The following PTPN13 variants were observed in gnomAD, a reference collection of about 807,000 sequenced individuals.
PTPN13 encodes tyrosine-protein phosphatase non-receptor type 13.
A neutral mutation model predicts 284.0 loss-of-function variants in PTPN13; 191 were observed. The ratio of observed to expected loss-of-function variants is 0.67; its 90% CI spans 0.60 to 0.76. The LOEUF (loss-of-function observed/expected upper bound fraction) is 0.76, where lower values mean the gene tolerates loss of function less well. Ranked by LOEUF, PTPN13 falls within the 30% of genes least tolerant of loss-of-function variation. PTPN13 has a pLI of 0.00. For missense variants in PTPN13, 2,797 were observed against 2,939.9 expected (o/e 0.95, Z 1.12); for synonymous variants, 986 against 1,022.3 (o/e 0.96, Z 0.68).
chr4:86,650,042 A>G (rs563640582), intron 2 of PTPN13, among the ~76,000 whole-genome samples: 12 of 152,016 alleles, frequency 7.9e-5, no homozygotes, highest in Admixed American at 2.0e-4. Context: ...CTGGAGTCCA[A>G]TGGCATGATC....
chr4:86,625,318 C>T (rs966744421), intron 1 of PTPN13, among the ~76,000 whole-genome samples: 2 of 152,056 alleles, frequency 1.3e-5, no homozygotes, highest in African/African-American at 4.8e-5. Flanking sequence ...GTTATTTCCC[C>T]TACCTGGAAG....
chr4:86,713,535 GA>G (rs1015926994), intron 7 of PTPN13, among the ~76,000 whole-genome samples: 5 of 146,260 alleles, frequency 3.4e-5, no homozygotes, highest in South Asian at 2.1e-4. Flanking sequence ...CAATCATTTA[GA>G]AAAAAAAAAG....
chr4:86,649,819 C>T lies in PTPN13; in HGVS notation c.115+14448C>T, dbSNP rs146508260. ...GAATCTGTAGATTGCTTTAGACATG[C>T]GTCATGTCTAAACCTGCATCATATC... On this transcript the variant is annotated intron_variant, in intron 2 of 47. Coordinates refer to ENST00000411767, the MANE Select transcript of PTPN13 (RefSeq NM_080683.3). Among the ~76,000 whole-genome samples the T allele has an allele frequency of 1.2e-3, 186 of 152,194 alleles. 2 individuals are homozygous for T. The highest frequency in any genetic ancestry group is 4.1e-3 in the African/African-American group (171 of 41,536).
chr4:86,750,598 G>A lies in PTPN13; in HGVS notation c.2779G>A (p.Val927Ile). Residue 927 changes from valine to isoleucine, a missense_variant, in exon 18 of 48, where the codon GTT (valine) becomes ATT (isoleucine). Physicochemically the swap from Val to Ile is conservative, Grantham distance 29. Coordinates refer to ENST00000411767, the MANE Select transcript of PTPN13 (RefSeq NM_080683.3). ...CAAACTTGCTGTTCGACCTTTATCA[G>A]TTCAAGCTGAGATTCTGAAGAGGCT... ...LNKLAVRPLSVQAEILKRLSC... is the reference protein window; with the variant it reads ...LNKLAVRPLSIQAEILKRLSC... The A allele has an allele frequency of 6.2e-7, 1 of 1,613,940 alleles. No individual in the cohort carries two copies. The highest frequency in any genetic ancestry group is 8.5e-7 in the Non-Finnish European group (1 of 1,179,886).
intron 5 of PTPN13, among the ~76,000 whole-genome samples, chr4:86,690,467 CAAG>C: frequency 6.6e-6 from 1 of 152,148 alleles, no homozygotes; most frequent in African/African-American, 2.4e-5. Context: ...TACTAACCTT[CAAG>C]AAGAATAGGC....
chr4:86,669,208 G>A (rs1195447264), intron 2 of PTPN13, among the ~76,000 whole-genome samples: 2 of 144,736 alleles, frequency 1.4e-5, no homozygotes, highest in Non-Finnish European at 3.0e-5. Context: ...TTTCTATCTT[G>A]TATTTATGTA....
intron 2 of PTPN13, among the ~76,000 whole-genome samples, chr4:86,656,001 G>A (rs778826325): frequency 1.4e-4 from 21 of 152,022 alleles, no homozygotes; most frequent in Non-Finnish European, 2.2e-4. Flanking sequence ...TTGATCTTCA[G>A]TCACTGATAC....
chr4:86,708,510 G>A (rs1426471148), intron 7 of PTPN13, among the ~76,000 whole-genome samples: 3 of 152,012 alleles, frequency 2.0e-5, no homozygotes, highest in Non-Finnish European at 4.4e-5. Flanking sequence ...GAAATAATAT[G>A]TTCCTTTATT....
At chr4:86,744,398 A>G (rs1736499245) in intron 16 of PTPN13, among the ~76,000 whole-genome samples, 1 of 152,182 alleles carries the variant, frequency 6.6e-6, no homozygotes, top group Non-Finnish European at 1.5e-5. Context: ...TAAATTCAAA[A>G]TATCAATAAT....
chr4:86,698,787 A>G (rs767488901), intron 6 of PTPN13, among the ~76,000 whole-genome samples: 64 of 152,204 alleles, frequency 4.2e-4, no homozygotes, highest in Non-Finnish European at 7.5e-4. Flanking sequence ...TTGGAGGCTG[A>G]TTAAAGTGGG....
chr4:86,769,856 T>C lies in PTPN13; in HGVS notation c.4577T>C (p.Ile1526Thr), dbSNP rs1354374229. The C allele has an allele frequency of 1.2e-5, 19 of 1,613,880 alleles. No individual in the cohort carries two copies. The highest frequency in any genetic ancestry group is 1.6e-5 in the Non-Finnish European group (19 of 1,179,836). ...GAAGATAATCTTATACCGGAGCAAA[T>C]TAATGCCAGCATAGTAAGGGTTAAA... Reference protein sequence around the residue: ...SREDNLIPEQINASIVRVKKL... With the variant: ...SREDNLIPEQTNASIVRVKKL... The change falls in exon 29 of 48, where the codon ATT (isoleucine) becomes ACT (threonine). Residue 1526 changes from isoleucine (I) to threonine (T), a missense_variant. Physicochemically the swap from Ile to Thr is moderately conservative, Grantham distance 89 (BLOSUM62 -1). Transcript: ENST00000411767.
chr4:86,632,408 T>C (rs901846845), intron 1 of PTPN13, among the ~76,000 whole-genome samples: 3 of 152,160 alleles, frequency 2.0e-5, no homozygotes, highest in Non-Finnish European at 4.4e-5. Flanking sequence ...ACTCCTGTTG[T>C]GAAATTGCTT....
intron 16 of PTPN13, 46 bp from the exon 17 acceptor site, chr4:86,744,918 AAT>A: frequency 7.4e-7 from 1 of 1,347,446 alleles, no homozygotes; most frequent in Non-Finnish European, 1.0e-6. Flanking sequence ...AAATATAAAT[AAT>A]ATCTCTACTT....
At chr4:86,622,348 TAA>T (rs1307380475) in intron 1 of PTPN13, among the ~76,000 whole-genome samples, 1 of 152,208 alleles carries the variant, frequency 6.6e-6, no homozygotes, top group Non-Finnish European at 1.5e-5. Context: ...TTGAGAGAGA[TAA>T]TTACAGAATA....
chr4:86,745,143 A>C lies in PTPN13; in HGVS notation c.2650+15A>C. ...CCAAGATATTGGTAAGGAGAAGCAGACTATTTCAGATGACTCCTGGGAATA... is the reference window on the plus strand; with the variant it reads ...CCAAGATATTGGTAAGGAGAAGCAGCCTATTTCAGATGACTCCTGGGAATA... On this transcript the variant is annotated intron_variant, in intron 17 of 47. Coordinates refer to ENST00000411767, the MANE Select transcript of PTPN13 (RefSeq NM_080683.3). 6.3e-7 allele frequency: 1 copy of C among 1,594,960 alleles called. No homozygotes were observed. Among genetic ancestry groups the C allele is most frequent in the South Asian group, 1.1e-5 (1 of 88,118 alleles).
At chr4:86,805,733 A>G (rs899364027) in intron 44 of PTPN13, among the ~76,000 whole-genome samples, 1 of 152,316 alleles carries the variant, frequency 6.6e-6, no homozygotes, top group African/African-American at 2.4e-5. Flanking sequence ...CACAACCACC[A>G]TCAATTTATT....
chr4:86,780,494 T>C (rs1175502212), intron 36 of PTPN13, 22 bp downstream of exon 36: 3 of 1,463,152 alleles, frequency 2.1e-6, no homozygotes, highest in African/African-American at 1.4e-5. Context: ...TTCATTTTAC[T>C]GTACTCTCCT....
At chr4:86,671,576 G>A (rs1727727007) in intron 2 of PTPN13, among the ~76,000 whole-genome samples, 3 of 152,108 alleles carry the variant, frequency 2.0e-5, no homozygotes, top group Admixed American at 6.6e-5. Context: ...TCTAGGGAAT[G>A]TATTTGTGTT....
In PTPN13 at chr4:86,734,792, G is replaced by C; in HGVS notation, c.2068G>C (p.Glu690Gln). The C allele has an allele frequency of 6.2e-7, 1 of 1,613,366 alleles. No homozygotes were observed. Among genetic ancestry groups the C allele is most frequent in the Admixed American group, 1.7e-5 (1 of 59,996 alleles). The change falls in exon 14 of 48, where the codon GAA becomes CAA. Residue 690 changes from glutamate (E) to glutamine (Q), a missense_variant. Physicochemically the swap from Glu to Gln is conservative, Grantham distance 29 (BLOSUM62 2). Coordinates refer to ENST00000411767, the MANE Select transcript of PTPN13 (RefSeq NM_080683.3). ...TCAGCTTCGAAAAGATATTTTGGAGGAAAGGATGCACTGTGATGATGAGAC... is the reference window on the plus strand; with the variant it reads ...TCAGCTTCGAAAAGATATTTTGGAGCAAAGGATGCACTGTGATGATGAGAC... ...YLQLRKDILE[E>Q]RMHCDDETSL...
Sources: gnomAD v4.1 joint callset for allele counts (sites outside exome capture counted in the v4.1 genomes callset) on GRCh38, gnomAD v4.1.1 for gene constraint, MANE v1.5 for transcripts, NCBI Gene and HGNC (gene_info 2026-07-23, HGNC 2026-07-21) for gene names.